The following EYS variants were observed in gnomAD, a reference collection of about 807,000 sequenced individuals.
EYS encodes protein eyes shut homolog.
A neutral mutation model predicts 282.1 loss-of-function variants in EYS; 250 were observed. The observed-to-expected ratio is 0.89, with a 90% CI of 0.80 to 0.98. The LOEUF (loss-of-function observed/expected upper bound fraction) is 0.98. Among genes scored for constraint, EYS ranks in the 50% least tolerant of loss-of-function variants. The probability of loss-of-function intolerance (pLI) is 0.00; values close to 1 mark genes in which losing one functional copy is unlikely to be tolerated. For synonymous variants in EYS, 1,355 were observed against 1,282.9 expected, an observed-to-expected ratio of 1.06 and a Z score of -1.20; for missense variants, 4,016 against 3,709.0, an observed-to-expected ratio of 1.08 and a Z score of -2.15.
At chr6:65,427,591 C>T (rs1184963012) in intron 5 of EYS, among the ~76,000 whole-genome samples, 1 of 151,758 alleles carries the variant, frequency 6.6e-6, no homozygotes, top group Non-Finnish European at 1.5e-5. Flanking sequence ...ATAAGAATTA[C>T]TTCGAAGATA....
intron 33 of EYS, among the ~76,000 whole-genome samples, chr6:64,048,931 C>T (rs970075489): frequency 2.0e-5 from 3 of 151,956 alleles, no homozygotes; most frequent in African/African-American, 7.3e-5. Flanking sequence ...TTTGCTCATG[C>T]TGTTTCTCTC....
intron 2 of EYS, among the ~76,000 whole-genome samples, chr6:65,561,404 T>C (rs1184493971): frequency 1.3e-5 from 2 of 152,182 alleles, no homozygotes; most frequent in East Asian, 3.8e-4. Context: ...CCTCTATTAG[T>C]TCTATTTCTC....
chr6:64,845,977 C>T (rs577855113), intron 19 of EYS, among the ~76,000 whole-genome samples: 13 of 152,130 alleles, frequency 8.5e-5, no homozygotes, highest in African/African-American at 2.9e-4. Flanking sequence ...TATTTAAAAT[C>T]ATCTAAGAAA....
chr6:65,282,567 A>T (rs1768253659), intron 12 of EYS, among the ~76,000 whole-genome samples: 1 of 152,018 alleles, frequency 6.6e-6, no homozygotes, highest in African/African-American at 2.4e-5. Context: ...TTACTACATG[A>T]TTATAGAACA....
chr6:64,831,928 G>T (rs376442777), intron 19 of EYS, among the ~76,000 whole-genome samples: 1 of 151,894 alleles, frequency 6.6e-6, no homozygotes. Context: ...GTGAAATGAG[G>T]CGTGTGTTTA....
intron 13 of EYS, among the ~76,000 whole-genome samples, chr6:65,008,021 C>T (rs1269102569): frequency 2.6e-5 from 4 of 152,090 alleles, no homozygotes; most frequent in African/African-American, 9.7e-5. Context: ...GATAGGATGA[C>T]AACAGAGGAA....
At chr6:64,179,017 T>A (rs1007065385) in intron 31 of EYS, among the ~76,000 whole-genome samples, 10 of 152,084 alleles carry the variant, frequency 6.6e-5, no homozygotes, top group Admixed American at 3.3e-4. Flanking sequence ...TTACTAGACA[T>A]CTCCTTGGCA....
chr6:65,242,191 A>C (rs1293157669), intron 12 of EYS, among the ~76,000 whole-genome samples: 1 of 152,014 alleles, frequency 6.6e-6, no homozygotes, highest in Non-Finnish European at 1.5e-5. Flanking sequence ...CAATTCAGTG[A>C]TTTTAGTATA....
intron 2 of EYS, among the ~76,000 whole-genome samples, chr6:65,595,823 T>G (rs1765384602): frequency 6.6e-6 from 1 of 152,110 alleles, no homozygotes; most frequent in Non-Finnish European, 1.5e-5. Context: ...ATTCCTACTG[T>G]TGAGTCTGGA....
chr6:64,902,221 CT>C lies in EYS; in HGVS notation c.2739-2del. The C allele has an allele frequency of 6.5e-7, 1 of 1,544,710 alleles. No individual in the cohort carries two copies. The highest frequency in any genetic ancestry group is 1.2e-5 in the South Asian group (1 of 83,050). ...AGAAAACCCAGGTCTGCAAATACACCTTTTAAACAAAAAATTTAGTAACTCC... is the reference window on the plus strand; with the variant it reads ...AGAAAACCCAGGTCTGCAAATACACCTTTAAACAAAAAATTTAGTAACTCC... On this transcript the variant is annotated splice_acceptor_variant, in intron 17 of 42. Coordinates refer to ENST00000503581, the MANE Select transcript of EYS (RefSeq NM_001142800.2). LOFTEE classifies it high-confidence loss of function.
chr6:63,738,747 AATAC>A (rs1248601958), intron 41 of EYS, among the ~76,000 whole-genome samples: 8 of 152,172 alleles, frequency 5.3e-5, no homozygotes, highest in African/African-American at 9.7e-5. Flanking sequence ...TTATAAAAAA[AATAC>A]ATACAGACAT....
chr6:65,395,684 T>A (rs565528825), intron 7 of EYS, among the ~76,000 whole-genome samples: 2 of 152,286 alleles, frequency 1.3e-5, no homozygotes, highest in Admixed American at 6.5e-5. Flanking sequence ...TTTGTACATA[T>A]TTATGAGATA....
At chr6:64,797,595 C>A (rs111480714) in intron 22 of EYS, among the ~76,000 whole-genome samples, 4 of 151,888 alleles carry the variant, frequency 2.6e-5, no homozygotes, top group African/African-American at 9.7e-5. Flanking sequence ...AAGCTTATCT[C>A]CATTTTTTCT....
rs926336324 is a variant in EYS, at chr6:65,266,822, A to T, written c.2023+29041T>A. Among the ~76,000 whole-genome samples, 14 of 146,172 alleles carry T rather than the reference A, an allele frequency of 9.6e-5. 1 individual carries two copies. Among genetic ancestry groups the T allele is most frequent in the Admixed American group, 4.0e-4 (6 of 14,888 alleles). On this transcript the variant is annotated intron_variant, in intron 12 of 42. Coordinates refer to ENST00000503581, the MANE Select transcript of EYS (RefSeq NM_001142800.2). ...AGCTACTCTACAATATCTGTTTAATAAAAAAAACTGAAAATTTTAAATTAA... is the reference window on the plus strand; with the variant it reads ...AGCTACTCTACAATATCTGTTTAATTAAAAAAACTGAAAATTTTAAATTAA...
chr6:64,710,641 A>G (rs1771178271), intron 22 of EYS, among the ~76,000 whole-genome samples: 3 of 152,150 alleles, frequency 2.0e-5, no homozygotes. Context: ...GTTTTGTTCA[A>G]TTCTTTGTCC....
rs182835265 is a variant in EYS at position 63,893,737 on chromosome 6, A to G, written c.7056-29379T>C. Among the ~76,000 whole-genome samples the G allele has an allele frequency of 2.6e-5, 4 of 152,294 alleles. No individual in the cohort carries two copies. In the East Asian group the frequency reaches 7.7e-4, roughly 29 times the overall value. The stretch of plus-strand genomic sequence containing the variant: ...AAAGTCCAATAATAATAATAGTAAT[A>G]AAAACAGTGAAAAAGGGGAGTCATC... On this transcript the variant is annotated intron_variant, in intron 35 of 42. Transcript: ENST00000503581.
chr6:64,209,685 C>T (rs530262871), intron 31 of EYS, among the ~76,000 whole-genome samples: 2 of 152,262 alleles, frequency 1.3e-5, no homozygotes, highest in East Asian at 3.9e-4. Flanking sequence ...TCCCCTCCCT[C>T]TGCTTTTAGA....
intron 5 of EYS, among the ~76,000 whole-genome samples, chr6:65,430,059 C>A (rs574261535): frequency 1.3e-5 from 2 of 152,048 alleles, no homozygotes; most frequent in African/African-American, 2.4e-5. Context: ...CACACTGCTA[C>A]AAATGATAAA....
chr6:63,778,082 G>A lies in EYS; in HGVS notation c.7822C>T (p.Gln2608Ter), dbSNP rs1770111064. The change falls in exon 40 of 43, where the codon CAG (glutamine) becomes TAG (stop). Residue 2608 changes from glutamine (Q) to a stop codon, truncating the protein, a stop_gained. Transcript: ENST00000503581. LOFTEE classifies it high-confidence loss of function. ...AAACTGCAGGGAGAAGCATGACACT[G>A]GCCAACACTGCGTCCAGCATTTGGG... is the stretch of plus-strand genomic sequence containing the variant. Reference protein sequence around the residue: ...GHPNAGRSVGQCHASPCSLMK... With the variant: ...GHPNAGRSVG 1.9e-6 allele frequency: 3 copies of A among 1,551,600 alleles called. No individual in the cohort carries two copies. The highest frequency in any genetic ancestry group is 8.7e-7 in the Non-Finnish European group (1 of 1,146,956).
Sources: allele counts gnomAD v4.1 joint callset (sites outside exome capture counted in the v4.1 genomes callset), GRCh38; gene constraint gnomAD v4.1.1; transcripts MANE v1.5; gene names NCBI Gene and HGNC (gene_info 2026-07-23, HGNC 2026-07-21).